Variants in ZC3H12C observed in about 807,000 individuals in gnomAD.
ZC3H12C encodes the protein probable ribonuclease ZC3H12C.
In ZC3H12C, 20 loss-of-function variants were observed where a neutral mutation model predicts 76.3. The ratio of observed to expected loss-of-function variants is 0.26; its 90% CI spans 0.18 to 0.38. The LOEUF is 0.38. ZC3H12C is among the 10% of genes least tolerant of loss of function. ZC3H12C has a pLI of 1.00. For missense variants in ZC3H12C, 874 were observed against 1,086.5 expected (o/e 0.80, Z 2.75); for synonymous variants, 352 against 399.6 (o/e 0.88, Z 1.42).
At position 110,108,704 on chromosome 11, in the gene ZC3H12C, G is replaced by C. The variant is rs368336231; in HGVS notation, c.21+15272G>C. Among the ~76,000 whole-genome samples, 41 of 152,276 alleles carry C rather than the reference G, an allele frequency of 2.7e-4. No homozygotes were observed. The East Asian group carries it at 5.4e-3, about 20-fold the overall frequency. On this transcript the variant is annotated intron_variant, in intron 1 of 5. Transcript: ENST00000278590. ...CTACCATATTTATATCTCCGATCCT[G>C]ACTTCTCTCTTGTACACTGCTGTCT...
chr11:110,164,598 G>C lies in ZC3H12C; in HGVS notation c.1513G>C (p.Glu505Gln). The C allele has an allele frequency of 6.2e-7, 1 of 1,613,998 alleles. No individual in the cohort carries two copies. Among genetic ancestry groups the C allele is most frequent in the South Asian group, 1.1e-5 (1 of 91,078 alleles). The change falls in exon 6 of 6, where the codon GAA becomes CAA. Residue 505 changes from glutamate (E) to glutamine (Q), a missense_variant. This residue lies in a region of ZC3H12C where 269 missense variants were observed against 424.9 expected (regional missense o/e 0.63). Coordinates refer to ENST00000278590, the MANE Select transcript of ZC3H12C (RefSeq NM_033390.2). The surrounding 1 kb of genome is among the most constrained non-coding windows in gnomAD (Gnocchi z 5.7). ...GACACAAGTCTACCAAGACCTAGAAGAAAAGCTTCCCACCAAAAACAAATT... is the reference window on the plus strand; with the variant it reads ...GACACAAGTCTACCAAGACCTAGAACAAAAGCTTCCCACCAAAAACAAATT... ...IRTQVYQDLE[E>Q]KLPTKNKLET...
intron 2 of ZC3H12C, among the ~76,000 whole-genome samples, chr11:110,148,610 A>G (rs1406996888): frequency 1.3e-5 from 2 of 152,202 alleles, no homozygotes; most frequent in African/African-American, 2.4e-5. Context: ...ACCCACCAAA[A>G]GGACTCACTT....
chr11:110,125,313 GT>G lies in ZC3H12C; in HGVS notation c.22-11349del, dbSNP rs1861722248. Among the ~76,000 whole-genome samples the G allele has an allele frequency of 2.0e-4, 15 of 75,294 alleles. 3 individuals carry two copies. The Admixed American group carries it at 2.2e-3, about 11-fold the overall frequency. The allele number at this position is 75,294 out of a possible 152,430, so 49.4% of individuals were successfully genotyped here. A position where few individuals can be genotyped will look rare whatever the true frequency, so the allele number is the denominator to read the frequency against. ...TGTGTGTGTGTGTGTGTGTGTGTGT[GT>G]GTGTGTGGTTTTTTTTGTTTGTTTT... On this transcript the variant is annotated intron_variant, in intron 1 of 5. Transcript: ENST00000278590.
rs937720067 is a variant in ZC3H12C, at chr11:110,165,110, G to A, written c.2025G>A (p.Pro675=). Residue 675 remains proline (P), a synonymous_variant, in exon 6 of 6, where the codon CCG becomes CCA. Coordinates refer to ENST00000278590, the MANE Select transcript of ZC3H12C (RefSeq NM_033390.2). ...MHPHSRLNPQ[P]FLQNFHDPLT... is the part of the protein sequence containing the mutation. ...CTCACAGCCGCCTTAATCCTCAACC[G>A]TTCCTGCAGAATTTCCACGACCCCT... 2.5e-6 allele frequency: 4 copies of A among 1,613,710 alleles called. No individual in the cohort carries two copies. The highest frequency in any genetic ancestry group is 2.2e-5 in the East Asian group (1 of 44,882).
At chr11:110,132,231 A>AT (rs67475397) in intron 1 of ZC3H12C, among the ~76,000 whole-genome samples, 26 of 149,372 alleles carry the variant, frequency 1.7e-4, no homozygotes, top group Middle Eastern at 3.4e-3. Context: ...TAGAAAAAAG[A>AT]TTTTTTTTTT....
At chr11:110,127,895 C>CTT (rs1555018833) in intron 1 of ZC3H12C, among the ~76,000 whole-genome samples, 1 of 50,912 alleles carries the variant, frequency 2.0e-5, no homozygotes, top group Non-Finnish European at 3.9e-5. Flanking sequence ...GACTTACTCT[C>CTT]AAAAAAAAAA....
At chr11:110,160,944 C>A (rs1472463891) in intron 4 of ZC3H12C, among the ~76,000 whole-genome samples, 1 of 152,044 alleles carries the variant, frequency 6.6e-6, no homozygotes, top group Admixed American at 6.6e-5. Context: ...TCAAGCAATT[C>A]TCATTCCTCA....
At chr11:110,093,777 A>G (rs2134136545) in intron 1 of ZC3H12C, among the ~76,000 whole-genome samples, 1 of 151,938 alleles carries the variant, frequency 6.6e-6, no homozygotes, top group African/African-American at 2.4e-5. Flanking sequence ...GCGAACATGG[A>G]GGCGGGCTCG....
At position 110,169,739 on chromosome 11, in the gene ZC3H12C, T is replaced by G. The variant is rs1862642890; in HGVS notation, c.*4002T>G. ...CATGCATTAGAATAAGAGAAAACAG[T>G]AGTGTTAATAAAAGTAAAGAAACAT... is the stretch of plus-strand genomic sequence containing the variant. On this transcript the variant is annotated 3_prime_UTR_variant, in exon 6 of 6. Coordinates refer to ENST00000278590, the MANE Select transcript of ZC3H12C (RefSeq NM_033390.2). 1 of 152,168 alleles carries G rather than the reference T, an allele frequency of 6.6e-6. No homozygotes were observed. Among genetic ancestry groups the G allele is most frequent in the Non-Finnish European group, 1.5e-5 (1 of 67,994 alleles). The allele number at this position is 152,168 out of a possible 1,614,324, so 9.4% of individuals were successfully genotyped here.
At chr11:110,158,602 T>C (rs1312998541) in intron 3 of ZC3H12C, among the ~76,000 whole-genome samples, 1 of 152,076 alleles carries the variant, frequency 6.6e-6, no homozygotes, top group Non-Finnish European at 1.5e-5. Context: ...GATGACTTCT[T>C]ATCTTTTACT....
chr11:110,152,628 A>G (rs1048661650), intron 2 of ZC3H12C, among the ~76,000 whole-genome samples: 1 of 152,160 alleles, frequency 6.6e-6, no homozygotes, highest in African/African-American at 2.4e-5. Flanking sequence ...ATTCTGATCA[A>G]AAACAGCTTG....
At chr11:110,149,106 C>T (rs1236979736) in intron 2 of ZC3H12C, among the ~76,000 whole-genome samples, 3 of 152,182 alleles carry the variant, frequency 2.0e-5, no homozygotes, top group Admixed American at 1.3e-4. Flanking sequence ...TCTGCTCAGG[C>T]TTAAGTTATT....
intron 2 of ZC3H12C, among the ~76,000 whole-genome samples, chr11:110,147,293 T>C (rs572753511): frequency 1.7e-4 from 26 of 152,166 alleles, no homozygotes; most frequent in Non-Finnish European, 2.9e-4. Flanking sequence ...CCATGTCTGA[T>C]GTACCTGGCA....
chr11:110,119,027 T>A (rs1861608767), intron 1 of ZC3H12C, among the ~76,000 whole-genome samples: 1 of 152,106 alleles, frequency 6.6e-6, no homozygotes, highest in African/African-American at 2.4e-5. Context: ...AAAGAGTATC[T>A]GGAAGCATGC....
At chr11:110,094,006 C>T (rs1444138115) in intron 1 of ZC3H12C, among the ~76,000 whole-genome samples, 1 of 152,182 alleles carries the variant, frequency 6.6e-6, no homozygotes, top group African/African-American at 2.4e-5. Flanking sequence ...CAGTCCAGAT[C>T]CCTTTTACAC....
chr11:110,114,369 T>C (rs1315678939), intron 1 of ZC3H12C, among the ~76,000 whole-genome samples: 1 of 152,250 alleles, frequency 6.6e-6, no homozygotes, highest in Non-Finnish European at 1.5e-5. Flanking sequence ...TCTCTTGTAC[T>C]CTATGACATA....
intron 4 of ZC3H12C, among the ~76,000 whole-genome samples, chr11:110,159,902 C>T (rs908658365): frequency 6.6e-6 from 1 of 152,244 alleles, no homozygotes; most frequent in Non-Finnish European, 1.5e-5. Flanking sequence ...AATTCATCTT[C>T]AGGCGATTTC....
At chr11:110,138,800 C>T (rs774606911) in intron 2 of ZC3H12C, among the ~76,000 whole-genome samples, 2 of 152,182 alleles carry the variant, frequency 1.3e-5, no homozygotes, top group South Asian at 4.1e-4. Flanking sequence ...CTCAAGTGAT[C>T]TGCCTGCCTC....
chr11:110,128,551 A>G (rs1183780315), intron 1 of ZC3H12C, among the ~76,000 whole-genome samples: 2 of 151,224 alleles, frequency 1.3e-5, no homozygotes, highest in African/African-American at 4.9e-5. Context: ...AGGGATAAAG[A>G]GAAGGAAGAA....
Sources: gnomAD v4.1 joint callset for allele counts (sites outside exome capture counted in the v4.1 genomes callset) on GRCh38, gnomAD v4.1.1 for gene constraint, gnomAD v4.1.1 regional missense constraint, Gnocchi (gnomAD v3.1) non-coding constraint, MANE v1.5 for transcripts, NCBI Gene and HGNC (gene_info 2026-07-23, HGNC 2026-07-21) for gene names.